Variants in GATAD1 observed in about 807,000 individuals in gnomAD.
The protein encoded by GATAD1 is GATA zinc finger domain-containing protein 1.
Under a neutral mutation model 26.5 loss-of-function variants are expected in GATAD1, and 12 were observed. The ratio of observed to expected loss-of-function variants is 0.45; its 90% CI spans 0.29 to 0.73. The LOEUF (loss-of-function observed/expected upper bound fraction) is 0.73. Among genes scored for constraint, GATAD1 ranks in the 30% least tolerant of loss-of-function variants. The probability of loss-of-function intolerance (pLI) is 0.10; values close to 1 mark genes in which losing one functional copy is unlikely to be tolerated. For synonymous variants in GATAD1, 129 were observed against 133.1 expected (o/e 0.97, Z 0.21); for missense variants, 266 against 342.1 (o/e 0.78, Z 1.75).
chr7:92,448,053 C>A, intron 1 of GATAD1, 75 bp downstream of exon 1: 1 of 1,073,474 alleles, frequency 9.3e-7, no homozygotes, highest in Non-Finnish European at 1.2e-6. Flanking sequence ...TGGCTGGGAG[C>A]GGGCGGGCGC....
At chr7:92,470,384 G>A in the GATAD1 span, 2 of 689,224 alleles carry the variant, frequency 2.9e-6, no homozygotes, top group East Asian at 2.5e-5. Flanking sequence ...AGGGCCATGG[G>A]GATTTATGAT....
the GATAD1 span, chr7:92,489,237 A>G: frequency 6.9e-7 from 1 of 1,449,088 alleles, no homozygotes; most frequent in Non-Finnish European, 9.7e-7. Flanking sequence ...GTTTAAGTGT[A>G]ATACTATGTC....
chr7:92,453,048 C>T (rs1203894776), intron 3 of GATAD1, among the ~76,000 whole-genome samples: 1 of 152,184 alleles, frequency 6.6e-6, no homozygotes, highest in Non-Finnish European at 1.5e-5. Flanking sequence ...CCTGCATAGA[C>T]CAGACCCATC....
At chr7:92,455,871 G>T (rs1789649458) in intron 4 of GATAD1, among the ~76,000 whole-genome samples, 2 of 152,160 alleles carry the variant, frequency 1.3e-5, no homozygotes, top group African/African-American at 4.8e-5. Flanking sequence ...TTCCTCTACT[G>T]CCTCCTCTTT....
At chr7:92,488,124 A>G in the GATAD1 span, among the ~76,000 whole-genome samples, 1 of 152,232 alleles carries the variant, frequency 6.6e-6, no homozygotes, top group African/African-American at 2.4e-5. Context: ...TTTAAAAACA[A>G]TAAAGTAGTT....
At chr7:92,487,685 T>C in the GATAD1 span, 1 of 462,662 alleles carries the variant, frequency 2.2e-6, no homozygotes, top group Non-Finnish European at 3.8e-6. Flanking sequence ...TCACAGAAAT[T>C]AAAAAGAATT....
downstream of GATAD1, among the ~76,000 whole-genome samples, chr7:92,463,436 G>C (rs1789992277): frequency 6.6e-6 from 1 of 152,076 alleles, no homozygotes; most frequent in Non-Finnish European, 1.5e-5. Flanking sequence ...CGGATCATGA[G>C]GTCAGGAGAT....
chr7:92,487,385 T>C, the GATAD1 span: 1 of 786,482 alleles, frequency 1.3e-6, no homozygotes, highest in Non-Finnish European at 2.2e-6. Context: ...ATAGACACCA[T>C]TTTTTTCCTG....
chr7:92,493,146 T>A, the GATAD1 span: 1 of 1,418,670 alleles, frequency 7.0e-7, no homozygotes, highest in Non-Finnish European at 9.8e-7. Context: ...GGAGAAAAAT[T>A]TATTTAACAA....
the GATAD1 span, chr7:92,493,324 GA>G: frequency 2.6e-6 from 1 of 379,888 alleles, no homozygotes. Flanking sequence ...ATATATATAG[GA>G]AAATGAATGA....
chr7:92,456,052 A>G (rs1789656773), intron 4 of GATAD1, among the ~76,000 whole-genome samples: 1 of 152,166 alleles, frequency 6.6e-6, no homozygotes, highest in Non-Finnish European at 1.5e-5. Flanking sequence ...TCATATGTAA[A>G]ATGGGAATAA....
the GATAD1 span, among the ~76,000 whole-genome samples, chr7:92,485,295 G>A: frequency 4.6e-5 from 7 of 152,132 alleles, no homozygotes; most frequent in Admixed American, 1.3e-4. Flanking sequence ...CTAAATCAGC[G>A]TGAGACCAAG....
At chr7:92,487,427 TAACAG>T in the GATAD1 span, 3 of 1,250,626 alleles carry the variant, frequency 2.4e-6, no homozygotes, top group African/African-American at 4.4e-5. Context: ...TCAAAAAACT[TAACAG>T]AACCAAATCA....
chr7:92,491,986 G>A, the GATAD1 span, among the ~76,000 whole-genome samples: 1 of 152,160 alleles, frequency 6.6e-6, no homozygotes, highest in Non-Finnish European at 1.5e-5. Flanking sequence ...CCAAACAAAT[G>A]TGGTAAAGAA....
At chr7:92,450,574 T>C (rs772526263) in intron 2 of GATAD1, 127 bp from the exon 3 acceptor site, 2 of 579,286 alleles carry the variant, frequency 3.5e-6, no homozygotes, top group Non-Finnish European at 6.1e-6. Flanking sequence ...TATCTTTTTA[T>C]TGCAGTTCTT....
At chr7:92,473,401 G>T in the GATAD1 span, among the ~76,000 whole-genome samples, 1 of 151,992 alleles carries the variant, frequency 6.6e-6, no homozygotes, top group African/African-American at 2.4e-5. Context: ...GGTCTGAGGG[G>T]GTACTGCCTT....
chr7:92,447,751 A>T lies in GATAD1; in HGVS notation c.22A>T (p.Thr8Ser), dbSNP rs1360888877. The T allele has an allele frequency of 1.3e-6, 2 of 1,497,096 alleles. No homozygotes were observed. Among genetic ancestry groups the T allele is most frequent in the Non-Finnish European group, 1.8e-6 (2 of 1,122,802 alleles). 92.7% of individuals were successfully genotyped at this position (1,497,096 alleles called of 1,614,324 possible). A position where few individuals can be genotyped will look rare whatever the true frequency, so the allele number is the denominator to read the frequency against. MPLGLKP[T>S]CSVCKTTSSS... Reference sequence around the variant, plus strand: ...CACCATGCCGCTGGGCCTGAAGCCCACCTGCAGCGTATGCAAGACCACGTC... The same window carrying T: ...CACCATGCCGCTGGGCCTGAAGCCCTCCTGCAGCGTATGCAAGACCACGTC... The change falls in exon 1 of 5, where the codon ACC becomes TCC. Residue 8 changes from threonine to serine, a missense_variant. Coordinates refer to ENST00000287957, the MANE Select transcript of GATAD1 (RefSeq NM_021167.5).
chr7:92,491,559 A>G, the GATAD1 span: 1 of 1,015,690 alleles, frequency 9.8e-7, no homozygotes, highest in South Asian at 1.3e-5. Context: ...AGTCTCAGAA[A>G]TAAATAATAA....
the GATAD1 span, chr7:92,491,594 A>G: frequency 9.0e-6 from 7 of 777,166 alleles, no homozygotes; most frequent in Non-Finnish European, 1.5e-5. Flanking sequence ...TATTAGAGCA[A>G]TACAAGAAAC....
Sources: gnomAD v4.1 joint callset for allele counts (sites outside exome capture counted in the v4.1 genomes callset) on GRCh38, gnomAD v4.1.1 for gene constraint, MANE v1.5 for transcripts, NCBI Gene and HGNC (gene_info 2026-07-23, HGNC 2026-07-21) for gene names.